LRCH4: variants seen among roughly 807,000 people sequenced by gnomAD.
LRCH4 encodes the protein leucine-rich repeat and calponin homology domain-containing protein 4.
Under a neutral mutation model 81.2 loss-of-function variants are expected in LRCH4, and 56 were observed. That is an observed-to-expected ratio of 0.69 (90% CI 0.56 to 0.86). The LOEUF (loss-of-function observed/expected upper bound fraction) is 0.86. LRCH4 is among the 40% of genes least tolerant of loss of function. The probability of loss-of-function intolerance (pLI) is 0.00; values close to 1 mark genes in which losing one functional copy is unlikely to be tolerated. For synonymous variants in LRCH4, 442 were observed against 409.7 expected (o/e 1.08, Z -0.95); for missense variants, 895 against 922.8 (o/e 0.97, Z 0.39).
chr7:100,584,429 C>T (rs1052881670), intron 1 of LRCH4, among the ~76,000 whole-genome samples: 8 of 142,004 alleles, frequency 5.6e-5, no homozygotes, highest in African/African-American at 1.5e-4. Flanking sequence ...AGGAGGGGGC[C>T]GGGGGCGGGA....
Position 100,574,932 on chromosome 7 carries a change from C to G in LRCH4, c.*175G>C. On this transcript the variant is annotated 3_prime_UTR_variant, in exon 18 of 18. Coordinates refer to ENST00000310300, the MANE Select transcript of LRCH4 (RefSeq NM_002319.5). ...GGGGCTACTGGAGGGAGGCCAGAGG[C>G]TGGGGGCCCAGGGTCTGGGGGCACC... 1.6e-6 allele frequency: 1 copy of G among 617,638 alleles called. No homozygotes were observed. Among genetic ancestry groups the G allele is most frequent in the Non-Finnish European group, 2.8e-6 (1 of 358,398 alleles). The allele number at this position is 617,638 out of a possible 1,614,324, so 38.3% of individuals were successfully genotyped here. A position where few individuals can be genotyped will look rare whatever the true frequency, so the allele number is the denominator to read the frequency against.
chr7:100,581,066 G>A (rs1158308628), intron 4 of LRCH4, among the ~76,000 whole-genome samples: 3 of 152,246 alleles, frequency 2.0e-5, no homozygotes, highest in African/African-American at 4.8e-5. Context: ...AGGAGTGGCG[G>A]AGCATCCCGA....
rs1801244933 is a variant in LRCH4, at chr7:100,574,066, G to GACACCTGC, written c.*1033_*1040dup. The stretch of plus-strand genomic sequence containing the variant: ...GGCTTCTGTTTATTGCGGCTGACAC[G>GACACCTGC]ACACCTGCGACACCCGCGGTCCTTC... On this transcript the variant is annotated 3_prime_UTR_variant, in exon 18 of 18. Transcript: ENST00000310300. 1 of 157,672 alleles carries GACACCTGC rather than the reference G, an allele frequency of 6.3e-6. No individual in the cohort carries two copies. Among genetic ancestry groups the GACACCTGC allele is most frequent in the African/African-American group, 2.4e-5 (1 of 41,472 alleles). 9.8% of individuals were successfully genotyped at this position (157,672 alleles called of 1,614,324 possible).
Position 100,581,900 on chromosome 7 carries a change from G to A in LRCH4, c.493-18C>T, listed in dbSNP as rs1222559795. 2.5e-6 allele frequency: 4 copies of A among 1,613,574 alleles called. No homozygotes were observed. The highest frequency in any genetic ancestry group is 1.7e-4 in the Middle Eastern group (1 of 6,024). ...CTCACGTCCTGGTATCAGGAAGGCA[G>A]TGGGAAGGGGCCATGAGACCAGGCC... On this transcript the variant is annotated intron_variant, in intron 3 of 17. Transcript: ENST00000310300.
In LRCH4 at chr7:100,574,208, C is replaced by A; in HGVS notation, c.*899G>T. 1 of 172,844 alleles carries A rather than the reference C, an allele frequency of 5.8e-6. No individual in the cohort carries two copies. The highest frequency in any genetic ancestry group is 1.3e-5 in the Non-Finnish European group (1 of 77,366). 10.7% of individuals were successfully genotyped at this position (172,844 alleles called of 1,614,324 possible). ...CGGAGCCCAGGCGCGTCTTCTGCTC[C>A]CGGGGTCCCGGGCGGGGTGGGCCCT... On this transcript the variant is annotated 3_prime_UTR_variant, in exon 18 of 18. Coordinates refer to ENST00000310300, the MANE Select transcript of LRCH4 (RefSeq NM_002319.5).
chr7:100,576,992 A>C lies in LRCH4; in HGVS notation c.1378T>G (p.Ser460Ala). Reference protein sequence around the residue: ...TQAMHNGSPKSSASQAGAAAG... With the variant: ...TQAMHNGSPKASASQAGAAAG... ...GCAGCCCCTGCTTGGGAGGCACTGGACTTAGGCGAGCCGCTGAGGAGAGAC... is the reference window on the plus strand; with the variant it reads ...GCAGCCCCTGCTTGGGAGGCACTGGCCTTAGGCGAGCCGCTGAGGAGAGAC... The change falls in exon 13 of 18, where the codon TCC becomes GCC. Residue 460 changes from serine to alanine, a missense_variant. Transcript: ENST00000310300. 6.2e-7 allele frequency: 1 copy of C among 1,610,930 alleles called. No homozygotes were observed. Among genetic ancestry groups the C allele is most frequent in the Non-Finnish European group, 8.5e-7 (1 of 1,177,798 alleles).
At position 100,582,260 on chromosome 7, in the gene LRCH4, G is replaced by T; in HGVS notation, c.365+55C>A. 2.5e-6 allele frequency: 4 copies of T among 1,613,508 alleles called. No homozygotes were observed. Among genetic ancestry groups the T allele is most frequent in the Non-Finnish European group, 3.4e-6 (4 of 1,179,750 alleles). ...GGGTCACTGGGTGGGTCACTCAGTA[G>T]TACTTGAGACTGAGAAGCACACGCT... On this transcript the variant is annotated intron_variant, in intron 2 of 17. Transcript: ENST00000310300. The surrounding 1 kb of genome is among the most constrained non-coding windows in gnomAD (Gnocchi z 5.0).
Position 100,575,151 on chromosome 7 carries a change from T to A in LRCH4, c.2008A>T (p.Met670Leu), listed in dbSNP as rs144934792. The A allele has an allele frequency of 6.2e-7, 1 of 1,613,306 alleles. No homozygotes were observed. Among genetic ancestry groups the A allele is most frequent in the Non-Finnish European group, 8.5e-7 (1 of 1,179,650 alleles). Residue 670 changes from methionine (M) to leucine (L), a missense_variant, in exon 18 of 18, where the codon ATG becomes TTG. Physicochemically the swap from Met to Leu is conservative, Grantham distance 15. Around this residue, in one of 3 missense-constraint regions of LRCH4, gnomAD observed 529 missense variants for 504.9 expected, o/e 1.05. Coordinates refer to ENST00000310300, the MANE Select transcript of LRCH4 (RefSeq NM_002319.5). The surrounding 1 kb of genome is among the most constrained non-coding windows in gnomAD (Gnocchi z 5.3). ...GGFVVFYVVLMLLLYVTYTRL... is the reference protein window; with the variant it reads ...GGFVVFYVVLLLLLYVTYTRL... ...GTGTAGGTGACATAGAGCAGCAGCA[T>A]GAGGACCACGTAGAAGACGACGAAG... is the stretch of plus-strand genomic sequence containing the variant.
Position 100,582,545 on chromosome 7 carries a change from C to A in LRCH4, c.221-86G>T. ...GTCCCCCCAGAGCCGGCTGCCCACT[C>A]CCTCACCTCCACACCTAAAGATTCA... On this transcript the variant is annotated intron_variant, in intron 1 of 17. Transcript: ENST00000310300. The surrounding 1 kb of genome is among the most constrained non-coding windows in gnomAD (Gnocchi z 5.0). 1 of 1,333,362 alleles carries A rather than the reference C, an allele frequency of 7.5e-7. No individual in the cohort carries two copies. The highest frequency in any genetic ancestry group is 1.3e-5 in the South Asian group (1 of 78,534). 82.6% of individuals were successfully genotyped at this position (1,333,362 alleles called of 1,614,324 possible). A position where few individuals can be genotyped will look rare whatever the true frequency, so the allele number is the denominator to read the frequency against.
At position 100,578,517 on chromosome 7, in the gene LRCH4, T is replaced by C. The variant is rs758967103; in HGVS notation, c.736-6A>G. 1.9e-6 allele frequency: 3 copies of C among 1,612,450 alleles called. No individual in the cohort carries two copies. In the East Asian group the frequency reaches 6.7e-5, roughly 36 times the overall value. ...AGTTTCCCCTTCAGGCAGACCTGTG[T>C]GCGGGGCAGCACACGCCAGGGAGTT... On this transcript the variant is annotated splice_polypyrimidine_tract_variant and splice_region_variant and intron_variant, in intron 5 of 17. Coordinates refer to ENST00000310300, the MANE Select transcript of LRCH4 (RefSeq NM_002319.5). The surrounding 1 kb of genome is among the most constrained non-coding windows in gnomAD (Gnocchi z 5.7).
rs1801397250 is a variant in LRCH4, at chr7:100,577,310, G to GCTGCTGCCGCCGTTCCCGCTC, written c.1237_1257dup (p.Glu413_Gln419dup). 1.3e-6 allele frequency: 2 copies of GCTGCTGCCGCCGTTCCCGCTC among 1,596,690 alleles called. No homozygotes were observed. Among genetic ancestry groups the GCTGCTGCCGCCGTTCCCGCTC allele is most frequent in the Non-Finnish European group, 1.7e-6 (2 of 1,178,010 alleles). The stretch of plus-strand genomic sequence containing the variant: ...GGGGCCCCCCACGCCCCGCTCTGCT[G>GCTGCTGCCGCCGTTCCCGCTC]CTGCTGCCGCCGTTCCCGCTCCTGC... On this transcript the variant is annotated inframe_insertion, in exon 11 of 18. Coordinates refer to ENST00000310300, the MANE Select transcript of LRCH4 (RefSeq NM_002319.5). This position sits in a 1 kb window ranked among gnomAD's most constrained non-coding sequence, Gnocchi z 6.7.
chr7:100,586,064 C>T lies in LRCH4; in HGVS notation c.37G>A (p.Gly13Ser), dbSNP rs965954364. 5 of 1,563,710 alleles carry T rather than the reference C, an allele frequency of 3.2e-6. No homozygotes were observed. The Admixed American group carries it at 5.8e-5, about 18-fold the overall frequency. Residue 13 changes from glycine to serine, a missense_variant, in exon 1 of 18, where the codon GGT becomes AGT. By Grantham distance (56) the Gly-to-Ser change is moderately conservative. This residue lies in a region of LRCH4 where 360 missense variants were observed against 397.0 expected (regional missense o/e 0.91). Coordinates refer to ENST00000310300, the MANE Select transcript of LRCH4 (RefSeq NM_002319.5). ...GAGGTCGTGGCTGCCGCCTCCTCAC[C>T]CCCGGCGGCGAGTGGAGCCGCTACG... is the stretch of plus-strand genomic sequence containing the variant. ...AAVAAPLAAGGEEAAATTSVP... is the reference protein window; with the variant it reads ...AAVAAPLAAGSEEAAATTSVP...
In LRCH4 at chr7:100,576,769, G is replaced by A. The variant is rs76551586; in HGVS notation, c.1477C>T (p.Pro493Ser). 2 of 1,593,230 alleles carry A rather than the reference G, an allele frequency of 1.3e-6. No individual in the cohort carries two copies. Among genetic ancestry groups the A allele is most frequent in the African/African-American group, 2.7e-5 (2 of 74,724 alleles). ...ATGGAGCCAAGTGGCCGTGGAGCAG[G>A]TGCTGTCGCTGGGGCCGGAACCAGG... is the stretch of plus-strand genomic sequence containing the variant. ...PLPIAGPATAPAPRPLGSIQR... is the reference protein window; with the variant it reads ...PLPIAGPATASAPRPLGSIQR... Residue 493 changes from proline (P) to serine (S), a missense_variant, in exon 14 of 18, where the codon CCT becomes TCT. By Grantham distance (74) the Pro-to-Ser change is moderately conservative (BLOSUM62 -1). Transcript: ENST00000310300.
At position 100,583,009 on chromosome 7, in the gene LRCH4, C is replaced by T. The variant is rs958664964; in HGVS notation, c.221-550G>A. 5.3e-5 allele frequency among the ~76,000 whole-genome samples: 8 copies of T among 152,270 alleles called. No homozygotes were observed. In the East Asian group the frequency reaches 9.7e-4, roughly 18 times the overall value. The stretch of plus-strand genomic sequence containing the variant: ...GTTCTAGAGATAAAGTCCCCGACAC[C>T]GGACGAGTTTTTCGCCAGCCCCAAG... On this transcript the variant is annotated intron_variant, in intron 1 of 17. Coordinates refer to ENST00000310300, the MANE Select transcript of LRCH4 (RefSeq NM_002319.5). The surrounding 1 kb of genome is among the most constrained non-coding windows in gnomAD (Gnocchi z 4.3).
At chr7:100,584,617 G>A (rs1801665532) in intron 1 of LRCH4, 2 of 443,444 alleles carry the variant, frequency 4.5e-6, no homozygotes, top group Non-Finnish European at 9.1e-6. Flanking sequence ...TGTGGGGTTA[G>A]GTGGGGGTGG....
In LRCH4 at chr7:100,582,098, G is replaced by T. The variant is rs1158239136; in HGVS notation, c.435C>A (p.Asn145Lys). 1.9e-6 allele frequency: 3 copies of T among 1,612,192 alleles called. No individual in the cohort carries two copies. The highest frequency in any genetic ancestry group is 2.5e-6 in the Non-Finnish European group (3 of 1,179,804). ...CAGGGGGCAGGGCTCCCAGCTTGTT[G>T]TTGCTGACGATGAGGACCCTCAGGG... ...QLPLRVLIVS[N>K]NKLGALPPDI... Residue 145 changes from asparagine (N) to lysine (K), a missense_variant, in exon 3 of 18, where the codon AAC becomes AAA. This residue lies in a region of LRCH4 where 360 missense variants were observed against 397.0 expected (regional missense o/e 0.91). Transcript: ENST00000310300. The surrounding 1 kb of genome is among the most constrained non-coding windows in gnomAD (Gnocchi z 5.0).
chr7:100,586,067 C>G lies in LRCH4; in HGVS notation c.34G>C (p.Gly12Arg). The change falls in exon 1 of 18, where the codon GGG (glycine) becomes CGG (arginine). Residue 12 changes from glycine (G) to arginine (R), a missense_variant. Physicochemically the swap from Gly to Arg is moderately radical, Grantham distance 125. Around this residue, in one of 3 missense-constraint regions of LRCH4, gnomAD observed 360 missense variants for 397.0 expected, o/e 0.91. Coordinates refer to ENST00000310300, the MANE Select transcript of LRCH4 (RefSeq NM_002319.5). Reference sequence around the variant, plus strand: ...GTCGTGGCTGCCGCCTCCTCACCCCCGGCGGCGAGTGGAGCCGCTACGGCC... The same window carrying G: ...GTCGTGGCTGCCGCCTCCTCACCCCGGGCGGCGAGTGGAGCCGCTACGGCC... ...AAAVAAPLAAGGEEAAATTSV... is the reference protein window; with the variant it reads ...AAAVAAPLAARGEEAAATTSV... The G allele has an allele frequency of 6.4e-7, 1 of 1,560,454 alleles. No individual in the cohort carries two copies. The highest frequency in any genetic ancestry group is 8.7e-7 in the Non-Finnish European group (1 of 1,154,480).
rs981849656 is a variant in LRCH4, at chr7:100,577,880, C to A, written c.981G>T (p.Arg327=). 6.2e-7 allele frequency: 1 copy of A among 1,614,062 alleles called. No individual in the cohort carries two copies. Residue 327 remains arginine, a synonymous_variant, in exon 8 of 18, where the codon CGG becomes CGT. Transcript: ENST00000310300. This position sits in a 1 kb window ranked among gnomAD's most constrained non-coding sequence, Gnocchi z 6.7. ...GGGGCTCCCGGGCCAGCTCTGAGATCCGGAATGACAGCTCTGAAAATTCAT... is the reference window on the plus strand; with the variant it reads ...GGGGCTCCCGGGCCAGCTCTGAGATACGGAATGACAGCTCTGAAAATTCAT... The part of the protein sequence containing the change: ...STDEFSELSF[R]ISELAREPRG...
chr7:100,583,259 G>C lies in LRCH4; in HGVS notation c.221-800C>G, dbSNP rs189884340. On this transcript the variant is annotated intron_variant, in intron 1 of 17. Transcript: ENST00000310300. This position sits in a 1 kb window ranked among gnomAD's most constrained non-coding sequence, Gnocchi z 4.3. ...GACTTCAAGAGATCAGCAACTGTGT[G>C]AGCATCTCAGGCACGGCGAGGGTGG... Among the ~76,000 whole-genome samples, 1 of 152,280 alleles carries C rather than the reference G, an allele frequency of 6.6e-6. No homozygotes were observed. Among genetic ancestry groups the C allele is most frequent in the East Asian group, 1.9e-4 (1 of 5,158 alleles).
Sources: gnomAD v4.1 joint callset for allele counts (sites outside exome capture counted in the v4.1 genomes callset) on GRCh38, gnomAD v4.1.1 for gene constraint, gnomAD v4.1.1 regional missense constraint, Gnocchi (gnomAD v3.1) non-coding constraint, MANE v1.5 for transcripts, NCBI Gene and HGNC (gene_info 2026-07-23, HGNC 2026-07-21) for gene names.